The following MS4A14 variants were observed in gnomAD, a reference collection of about 807,000 sequenced individuals.
The protein encoded by MS4A14 is membrane spanning 4-domains A14.
A neutral mutation model predicts 16.7 loss-of-function variants in MS4A14; 18 were observed. The ratio of observed to expected loss-of-function variants is 1.08; its 90% CI spans 0.75 to 1.60. MS4A14 has a LOEUF of 1.60. Ranked by LOEUF, MS4A14 falls within the 40% of genes most tolerant of loss-of-function variation. The probability of loss-of-function intolerance (pLI) is 0.00; values close to 1 mark genes in which losing one functional copy is unlikely to be tolerated. For missense variants in MS4A14, 812 were observed against 775.3 expected (o/e 1.05, Z -0.56); for synonymous variants, 305 against 289.4 (o/e 1.05, Z -0.55).
At chr11:60,405,715 C>A (rs1330835679) in intron 4 of MS4A14, among the ~76,000 whole-genome samples, 5 of 152,250 alleles carry the variant, frequency 3.3e-5, no homozygotes, top group Non-Finnish European at 5.9e-5. Context: ...GTTTGTTATC[C>A]CTGCCTCATC....
At chr11:60,413,990 T>C (rs571607257) in intron 4 of MS4A14, among the ~76,000 whole-genome samples, 1 of 152,222 alleles carries the variant, frequency 6.6e-6, no homozygotes, top group Non-Finnish European at 1.5e-5. Flanking sequence ...TTATTTAACA[T>C]CTCTGAACCT....
At chr11:60,402,340 G>A (rs922149238) in intron 3 of MS4A14, among the ~76,000 whole-genome samples, 2 of 152,090 alleles carry the variant, frequency 1.3e-5, no homozygotes, top group Non-Finnish European at 2.9e-5. Context: ...TTCTCCCAGG[G>A]AATGACTGTA....
chr11:60,415,864 C>T lies in MS4A14; in HGVS notation c.896C>T (p.Ala299Val), dbSNP rs750526642. The T allele has an allele frequency of 3.0e-5, 48 of 1,613,756 alleles. No homozygotes were observed. Among genetic ancestry groups the T allele is most frequent in the East Asian group, 6.7e-5 (3 of 44,886 alleles). ...ACCAAGCTTCTGCAGGACCAAGCTG[C>T]GTCACTCCAAGTTTTTCCATCCCAT... Reference protein sequence around the residue: ...MQTKLLQDQAASLQVFPSHSA... With the variant: ...MQTKLLQDQAVSLQVFPSHSA... Residue 299 changes from alanine (A) to valine (V), a missense_variant, in exon 5 of 5, where the codon GCG (alanine) becomes GTG (valine). Transcript: ENST00000300187.
rs116685673 is a variant in MS4A14, at chr11:60,398,800, T to C, written c.267+820T>C. ...TCCATGCCTTTTCTATAATGTGCAT[T>C]TCAGAAACAACCAGCAGTGTTTTCA... On this transcript the variant is annotated intron_variant, in intron 2 of 4. Coordinates refer to ENST00000300187, the MANE Select transcript of MS4A14 (RefSeq NM_032597.5). 1.7e-3 allele frequency among the ~76,000 whole-genome samples: 257 copies of C among 152,324 alleles called. 1 individual carries two copies. The highest frequency in any genetic ancestry group is 5.7e-3 in the African/African-American group (238 of 41,576).
chr11:60,398,133 TC>T, intron 2 of MS4A14, 153 bp downstream of exon 2: 1 of 647,132 alleles, frequency 1.5e-6, no homozygotes, highest in Admixed American at 3.1e-5. Context: ...CTCCATTTGG[TC>T]ACTGCACTAC....
At chr11:60,402,422 T>A (rs1486953065) in intron 3 of MS4A14, among the ~76,000 whole-genome samples, 1 of 152,180 alleles carries the variant, frequency 6.6e-6, no homozygotes, top group African/African-American at 2.4e-5. Flanking sequence ...AGTACTCACA[T>A]GTATCTGGTG....
At position 60,415,992 on chromosome 11, in the gene MS4A14, T is replaced by C; in HGVS notation, c.1024T>C (p.Ser342Pro). The change falls in exon 5 of 5, where the codon TCC becomes CCC. Residue 342 changes from serine (S) to proline (P), a missense_variant. Coordinates refer to ENST00000300187, the MANE Select transcript of MS4A14 (RefSeq NM_032597.5). ...EQTMPSKSTS[S>P]HVKQSSNLTA... is the part of the protein sequence containing the mutation. ...AACCATGCCATCTAAGTCTACATCATCCCATGTCAAACAGTCTTCTAATCT... is the reference window on the plus strand; with the variant it reads ...AACCATGCCATCTAAGTCTACATCACCCCATGTCAAACAGTCTTCTAATCT... 1 of 1,613,884 alleles carries C rather than the reference T, an allele frequency of 6.2e-7. No homozygotes were observed. Among genetic ancestry groups the C allele is most frequent in the Non-Finnish European group, 8.5e-7 (1 of 1,179,928 alleles).
chr11:60,408,746 A>G (rs1000202486), intron 4 of MS4A14, among the ~76,000 whole-genome samples: 3 of 152,196 alleles, frequency 2.0e-5, no homozygotes, highest in African/African-American at 7.2e-5. Flanking sequence ...CATATTGTGA[A>G]TAATGCTGTT....
intron 3 of MS4A14, 95 bp from the exon 4 acceptor site, chr11:60,402,817 T>C (rs1270845648): frequency 3.6e-5 from 44 of 1,225,596 alleles, no homozygotes; most frequent in Non-Finnish European, 1.2e-6. Flanking sequence ...CCCTGAGAAG[T>C]ATCTGGAAAG....
At chr11:60,403,455 G>A (rs973253673) in intron 4 of MS4A14, among the ~76,000 whole-genome samples, 1 of 152,068 alleles carries the variant, frequency 6.6e-6, no homozygotes, top group Non-Finnish European at 1.5e-5. Flanking sequence ...AAATTTTACT[G>A]TTTCAGCATT....
intron 4 of MS4A14, among the ~76,000 whole-genome samples, chr11:60,413,648 A>G (rs1453227725): frequency 6.6e-6 from 1 of 152,110 alleles, no homozygotes; most frequent in Non-Finnish European, 1.5e-5. Context: ...TAACTCTTCA[A>G]TTGAATTTAG....
Position 60,396,475 on chromosome 11 carries a change from G to T in MS4A14, c.-104G>T, listed in dbSNP as rs1016503907. 53 of 1,275,040 alleles carry T rather than the reference G, an allele frequency of 4.2e-5. No individual in the cohort carries two copies. The African/African-American group carries it at 6.5e-4, about 16-fold the overall frequency. 79.0% of individuals were successfully genotyped at this position (1,275,040 alleles called of 1,614,324 possible). A position where few individuals can be genotyped will look rare whatever the true frequency, so the allele number is the denominator to read the frequency against. ...CTACTGAGTAGAGTCATCACTAAGG[G>T]CTCATCTCTGAGGGCTCCATGTGAC... On this transcript the variant is annotated 5_prime_UTR_variant, in exon 1 of 5. Coordinates refer to ENST00000300187, the MANE Select transcript of MS4A14 (RefSeq NM_032597.5).
intron 3 of MS4A14, among the ~76,000 whole-genome samples, chr11:60,401,336 A>T (rs1299565901): frequency 6.6e-6 from 1 of 152,346 alleles, no homozygotes; most frequent in South Asian, 2.1e-4. Flanking sequence ...AGGGGAGGGC[A>T]GATAAATGTT....
intron 4 of MS4A14, among the ~76,000 whole-genome samples, chr11:60,407,479 GTTTAAC>G (rs1268793929): frequency 6.6e-6 from 1 of 152,176 alleles, no homozygotes; most frequent in Admixed American, 6.5e-5. Context: ...GTAACCAGAT[GTTTAAC>G]TTTATAAGAA....
Position 60,415,509 on chromosome 11 carries a change from C to T in MS4A14, c.541C>T (p.Gln181Ter), listed in dbSNP as rs752616066. The T allele has an allele frequency of 1.7e-5, 28 of 1,613,426 alleles. No individual in the cohort carries two copies. The highest frequency in any genetic ancestry group is 2.2e-5 in the Non-Finnish European group (26 of 1,179,698). Residue 181 changes from glutamine (Q) to a stop codon, truncating the protein, a stop_gained, in exon 5 of 5, where the codon CAA becomes TAA. Coordinates refer to ENST00000300187, the MANE Select transcript of MS4A14 (RefSeq NM_032597.5). LOFTEE classifies it low-confidence loss of function (END_TRUNC). Reference sequence around the variant, plus strand: ...TGCCCCAGAAGAAAATGATCAATTACAATTTGTGCTTCAAGAAGAGTTTTC... The same window carrying T: ...TGCCCCAGAAGAAAATGATCAATTATAATTTGTGCTTCAAGAAGAGTTTTC... ...QPAPEENDQL[Q>*]FVLQEEFSSD...
At chr11:60,409,803 CTTCTTTCTTTCTTTCTTT>C (rs1565177828) in intron 4 of MS4A14, among the ~76,000 whole-genome samples, 1 of 145,814 alleles carries the variant, frequency 6.9e-6, no homozygotes, top group East Asian at 2.0e-4. Flanking sequence ...TCCTTCTTTC[CTTCTTTCTTTCTTTCTTT>C]TTCTTTCTTT....
Position 60,409,551 on chromosome 11 carries a change from T to G in MS4A14, c.469-5886T>G, listed in dbSNP as rs369366894. On this transcript the variant is annotated intron_variant, in intron 4 of 4. Coordinates refer to ENST00000300187, the MANE Select transcript of MS4A14 (RefSeq NM_032597.5). Reference sequence around the variant, plus strand: ...CTATTGTTTGTGTGTGTGTGTACATTATATATATGTAATATATAATGTATA... The same window carrying G: ...CTATTGTTTGTGTGTGTGTGTACATGATATATATGTAATATATAATGTATA... Among the ~76,000 whole-genome samples, 75 of 149,350 alleles carry G rather than the reference T, an allele frequency of 5.0e-4. 2 individuals carry two copies. In the South Asian group the frequency reaches 0.016, roughly 31 times the overall value.
At position 60,400,391 on chromosome 11, in the gene MS4A14, GTCT is replaced by G; in HGVS notation, c.268-8_268-6del. On this transcript the variant is annotated splice_polypyrimidine_tract_variant and intron_variant, in intron 2 of 4. Transcript: ENST00000300187. ...CATCACCTGTTAACTTTTGTCTCTT[GTCT>G]TCTTAACAGTTTATTCTTACAGGAT... is the stretch of plus-strand genomic sequence containing the variant. 6.3e-7 allele frequency: 1 copy of G among 1,581,922 alleles called. No homozygotes were observed. Among genetic ancestry groups the G allele is most frequent in the South Asian group, 1.1e-5 (1 of 87,060 alleles).
intron 4 of MS4A14, chr11:60,405,878 A>C: frequency 2.0e-6 from 3 of 1,517,260 alleles, no homozygotes; most frequent in Non-Finnish European, 1.8e-6. Flanking sequence ...ATTTCTCCTC[A>C]TTATTTGCAG....
Sources: allele counts gnomAD v4.1 joint callset (sites outside exome capture counted in the v4.1 genomes callset), GRCh38; gene constraint gnomAD v4.1.1; transcripts MANE v1.5; gene names NCBI Gene and HGNC (gene_info 2026-07-23, HGNC 2026-07-21).